The following MROH7 variants were observed in gnomAD, a reference collection of about 807,000 sequenced individuals.
MROH7 encodes maestro heat-like repeat-containing protein family member 7.
MROH7 carries 113 observed loss-of-function variants against 129.2 expected under a neutral mutation model. The observed-to-expected ratio is 0.87, with a 90% CI of 0.75 to 1.02. The LOEUF is 1.02. Among genes scored for constraint, MROH7 ranks in the 50% least tolerant of loss-of-function variants. MROH7 has a pLI of 0.00. For synonymous variants in MROH7, 655 were observed against 667.9 expected, an observed-to-expected ratio of 0.98 and a Z score of 0.30; for missense variants, 1,601 against 1,671.3, an observed-to-expected ratio of 0.96 and a Z score of 0.73.
intron 12 of MROH7, 145 bp downstream of exon 12, chr1:54,679,584 G>GT: frequency 1.1e-6 from 1 of 932,006 alleles, no homozygotes; most frequent in Non-Finnish European, 1.6e-6. Context: ...AGGGGTGCTG[G>GT]TGGCTGAGTT....
At chr1:54,681,064 G>A (rs1645062771) in intron 13 of MROH7, among the ~76,000 whole-genome samples, 1 of 152,134 alleles carries the variant, frequency 6.6e-6, no homozygotes, top group Non-Finnish European at 1.5e-5. Context: ...CTCCTTGCGG[G>A]GGTCCTTGCA....
chr1:54,675,601 C>CTTT (rs35016115), intron 10 of MROH7, among the ~76,000 whole-genome samples: 1 of 143,206 alleles, frequency 7.0e-6, no homozygotes, highest in African/African-American at 2.6e-5. Context: ...GGGACGCTGC[C>CTTT]TTTTTTTTTT....
chr1:54,691,803 AGTGT>A lies in MROH7; in HGVS notation c.2712-590_2712-587del, dbSNP rs373106798. Reference sequence around the variant, plus strand: ...CCTGGCGACAAAAAAAAAAAAAAAAAGTGTGTGTGTGTGTGTGTGTGTGTGTGTG... The same window carrying A: ...CCTGGCGACAAAAAAAAAAAAAAAAAGTGTGTGTGTGTGTGTGTGTGTGTG... On this transcript the variant is annotated intron_variant, in intron 15 of 23. Transcript: ENST00000421030. 7.4e-3 allele frequency among the ~76,000 whole-genome samples: 775 copies of A among 104,174 alleles called. 6 individuals are homozygous for A. Among genetic ancestry groups the A allele is most frequent in the African/African-American group, 0.023 (583 of 25,398 alleles). The allele number at this position is 104,174 out of a possible 152,430, so 68.3% of individuals were successfully genotyped here.
At chr1:54,678,416 T>A (rs931319478) in intron 10 of MROH7, among the ~76,000 whole-genome samples, 2 of 152,150 alleles carry the variant, frequency 1.3e-5, no homozygotes, top group African/African-American at 4.8e-5. Flanking sequence ...CTCAACCATA[T>A]AATGTTGAGC....
At chr1:54,669,054 G>A (rs1644856024) in intron 5 of MROH7, 117 bp downstream of exon 5, 6 of 704,780 alleles carry the variant, frequency 8.5e-6, no homozygotes, top group Non-Finnish European at 1.5e-5. Flanking sequence ...GACGGGATGA[G>A]GAGGCAGGAC....
intron 4 of MROH7, among the ~76,000 whole-genome samples, chr1:54,666,586 C>G (rs1252028332): frequency 6.8e-6 from 1 of 147,008 alleles, no homozygotes; most frequent in East Asian, 2.0e-4. Context: ...AGGCATGAGC[C>G]TCTGTGCCCG....
intron 1 of MROH7, among the ~76,000 whole-genome samples, chr1:54,648,673 A>G (rs71637860): frequency 6.6e-6 from 1 of 151,602 alleles, no homozygotes; most frequent in Non-Finnish European, 1.5e-5. Context: ...GTCTGCATGC[A>G]ATTTTGAAGG....
In MROH7 at chr1:54,665,228, C is replaced by T; in HGVS notation, c.1293C>T (p.Asn431=). ...TGCCAGAGAAGACAGAAGGTGGCAA[C>T]AACATGGCTCTGGTATGCCTCCTGC... is the stretch of plus-strand genomic sequence containing the variant. ...VKVPEKTEGG[N]NMALVENVTT... Residue 431 remains asparagine, a synonymous_variant, in exon 4 of 24, where the codon AAC becomes AAT. Transcript: ENST00000421030. The T allele has an allele frequency of 6.2e-7, 1 of 1,613,726 alleles. No homozygotes were observed. Among genetic ancestry groups the T allele is most frequent in the Non-Finnish European group, 8.5e-7 (1 of 1,179,776 alleles).
chr1:54,665,502 G>A (rs549227921), intron 4 of MROH7: 13 of 358,858 alleles, frequency 3.6e-5, no homozygotes, highest in Non-Finnish European at 5.1e-5. Flanking sequence ...CACCTAGAAC[G>A]GTGCCTGGCA....
rs768623864 is a variant in MROH7, at chr1:54,653,813, C to T, written c.887C>T (p.Ser296Leu). The change falls in exon 3 of 24, where the codon TCG becomes TTG. Residue 296 changes from serine (S) to leucine (L), a missense_variant. Ser to Leu is a moderately radical substitution (Grantham distance 145). Coordinates refer to ENST00000421030, the MANE Select transcript of MROH7 (RefSeq NM_001039464.4). ...TTGAGCGTGACCATCACTCAAGCCT[C>T]GTATGTGACCCTGATTCCTGGCTCC... ...SDLSVTITQA[S>L]YVTLIPGSSY... 25 of 1,614,134 alleles carry T rather than the reference C, an allele frequency of 1.5e-5. No individual in the cohort carries two copies. Among genetic ancestry groups the T allele is most frequent in the Admixed American group, 3.3e-5 (2 of 60,026 alleles).
At chr1:54,647,436 C>T (rs1053524498) in intron 1 of MROH7, among the ~76,000 whole-genome samples, 8 of 151,732 alleles carry the variant, frequency 5.3e-5, no homozygotes, top group Admixed American at 1.3e-4. Flanking sequence ...CATGGTGAAA[C>T]CCCGTCTCTA....
At chr1:54,682,087 G>T (rs543120399) in intron 13 of MROH7, among the ~76,000 whole-genome samples, 2 of 152,014 alleles carry the variant, frequency 1.3e-5, no homozygotes, top group Admixed American at 1.3e-4. Context: ...AATATCTGCC[G>T]AAGTAATACA....
At chr1:54,679,603 T>A (rs1293593908) in intron 12 of MROH7, among the ~76,000 whole-genome samples, 164 bp downstream of exon 12, 1 of 152,106 alleles carries the variant, frequency 6.6e-6, no homozygotes, top group Non-Finnish European at 1.5e-5. Flanking sequence ...TTCTAGGTGC[T>A]CCCACCTTGA....
At chr1:54,689,788 T>C (rs1645204866) in intron 15 of MROH7, among the ~76,000 whole-genome samples, 1 of 152,140 alleles carries the variant, frequency 6.6e-6, no homozygotes, top group African/African-American at 2.4e-5. Flanking sequence ...GGCAGGAGAA[T>C]CGCTTGAGGC....
At chr1:54,675,884 C>T (rs1436929222) in intron 10 of MROH7, among the ~76,000 whole-genome samples, 1 of 151,908 alleles carries the variant, frequency 6.6e-6, no homozygotes, top group African/African-American at 2.4e-5. Context: ...GATCCGCTCG[C>T]CTTGACCTCC....
chr1:54,661,080 C>T (rs1644725625), intron 3 of MROH7, among the ~76,000 whole-genome samples: 1 of 149,324 alleles, frequency 6.7e-6, no homozygotes. Context: ...GTTGGGTTGT[C>T]TCTTTTTCTT....
At chr1:54,679,196 ACAAAGCTCGAAGCT>A in intron 11 of MROH7, 53 bp from the exon 12 acceptor site, 1 of 1,539,232 alleles carries the variant, frequency 6.5e-7, no homozygotes, top group Non-Finnish European at 9.0e-7. Context: ...GCCTCTGTGC[ACAAAGCTCGAAGCT>A]CAAAGCTCGG....
rs755985844 is a variant in MROH7, at chr1:54,673,196, T to TGGGAGGGGCAAGGAA, written c.1695+19_1695+33dup. The TGGGAGGGGCAAGGAA allele has an allele frequency of 4.4e-6, 7 of 1,602,760 alleles. No individual in the cohort carries two copies. The Admixed American group carries it at 8.4e-5, about 19-fold the overall frequency. On this transcript the variant is annotated intron_variant, in intron 8 of 23. Transcript: ENST00000421030. ...GAAGAGCATCTTGGAGGTGCGGAGA[T>TGGGAGGGGCAAGGAA]GGGAGGGGCAAGGAAGGGAGGGGAG...
intron 7 of MROH7, among the ~76,000 whole-genome samples, chr1:54,671,815 G>A (rs1249693677): frequency 6.6e-6 from 1 of 152,112 alleles, no homozygotes; most frequent in Non-Finnish European, 1.5e-5. Context: ...GTGAGTGTGG[G>A]GGAGATGGAT....
Sources: allele counts gnomAD v4.1 joint callset (sites outside exome capture counted in the v4.1 genomes callset), GRCh38; gene constraint gnomAD v4.1.1; transcripts MANE v1.5; gene names NCBI Gene and HGNC (gene_info 2026-07-23, HGNC 2026-07-21).